GOSR2: variants seen among roughly 807,000 people sequenced by gnomAD.
GOSR2 encodes 27 kDa Golgi SNARE protein.
GOSR2 carries 20 observed loss-of-function variants against 27.9 expected under a neutral mutation model. That is an observed-to-expected ratio of 0.72 (90% CI 0.50 to 1.04). GOSR2 has a LOEUF of 1.04. GOSR2 is among the 50% of genes least tolerant of loss of function. The pLI is 0.00. For synonymous variants in GOSR2, 91 were observed against 98.8 expected, an observed-to-expected ratio of 0.92 and a Z score of 0.47; for missense variants, 261 against 270.5, an observed-to-expected ratio of 0.97 and a Z score of 0.25.
chr17:46,934,966 CAGTG>C, intron 4 of GOSR2, 59 bp from the exon 5 acceptor site: 1 of 1,472,590 alleles, frequency 6.8e-7, no homozygotes, highest in South Asian at 1.1e-5. Context: ...AAAGACAGAG[CAGTG>C]AGACCCCAGG....
chr17:46,943,518 C>G (rs2089539177), downstream of GOSR2, among the ~76,000 whole-genome samples: 1 of 152,228 alleles, frequency 6.6e-6, no homozygotes, highest in Admixed American at 6.5e-5. Flanking sequence ...CTCCAAGAAG[C>G]CTGCCCCTCC....
At chr17:46,929,985 A>G (rs2087072478) in intron 2 of GOSR2, 1 of 167,252 alleles carries the variant, frequency 6.0e-6, no homozygotes, top group Non-Finnish European at 1.3e-5. Flanking sequence ...AGCAATATTA[A>G]TTAGTTTAGT....
intron 6 of GOSR2, among the ~76,000 whole-genome samples, chr17:46,962,477 T>G (rs2091116950): frequency 6.6e-6 from 1 of 152,236 alleles, no homozygotes; most frequent in Non-Finnish European, 1.5e-5. Context: ...AAACAGGATG[T>G]GGCAGAAGAG....
At chr17:46,955,908 A>G (rs575696214) in intron 6 of GOSR2, among the ~76,000 whole-genome samples, 7 of 152,300 alleles carry the variant, frequency 4.6e-5, no homozygotes, top group Middle Eastern at 6.8e-3. Context: ...CTGTGTCTCC[A>G]TCAGACTAGC....
intron 6 of GOSR2, chr17:46,964,918 GC>G (rs1207630571): frequency 6.6e-6 from 1 of 152,216 alleles, no homozygotes; most frequent in Non-Finnish European, 1.5e-5. Context: ...TAACTGCAAG[GC>G]TTTGACAGGA....
At chr17:46,938,527 C>T in intron 5 of GOSR2, 72 bp from the exon 6 acceptor site, 3 of 1,608,334 alleles carry the variant, frequency 1.9e-6, no homozygotes, top group Middle Eastern at 1.7e-4. Flanking sequence ...AGCTCCATCT[C>T]CTGATGCCAT....
rs982964579 is a variant in GOSR2, at chr17:46,941,190, A to G, written c.*2430A>G. ...AGGGGGACCACTGTAAGAAAAGCCAAACTCCAAGACCAAGTAAGTTAGAGG... is the reference window on the plus strand; with the variant it reads ...AGGGGGACCACTGTAAGAAAAGCCAGACTCCAAGACCAAGTAAGTTAGAGG... On this transcript the variant is annotated 3_prime_UTR_variant, in exon 6 of 6. Coordinates refer to ENST00000640051, the MANE Select transcript of GOSR2 (RefSeq NM_004287.5). 1.0e-6 allele frequency: 1 copy of G among 1,004,150 alleles called. No individual in the cohort carries two copies. The allele number at this position is 1,004,150 out of a possible 1,614,324, so 62.2% of individuals were successfully genotyped here. A position where few individuals can be genotyped will look rare whatever the true frequency, so the allele number is the denominator to read the frequency against.
At chr17:46,960,651 C>T (rs1444908635) in intron 6 of GOSR2, among the ~76,000 whole-genome samples, 1 of 152,178 alleles carries the variant, frequency 6.6e-6, no homozygotes, top group Admixed American at 6.5e-5. Context: ...ACCTGTGATA[C>T]ATCCATCCAA....
At chr17:46,931,281 A>G in intron 3 of GOSR2, 74 bp downstream of exon 3, 1 of 821,196 alleles carries the variant, frequency 1.2e-6, no homozygotes, top group Non-Finnish European at 2.2e-6. Context: ...GGGGGAGGTG[A>G]TAGAATATTC....
At chr17:46,928,189 G>A (rs1343316874) in intron 1 of GOSR2, among the ~76,000 whole-genome samples, 1 of 152,138 alleles carries the variant, frequency 6.6e-6, no homozygotes, top group Non-Finnish European at 1.5e-5. Flanking sequence ...GTCTTGCCTA[G>A]GAGCACCCTG....
downstream of GOSR2, among the ~76,000 whole-genome samples, chr17:46,942,601 T>C (rs2089427668): frequency 6.6e-6 from 1 of 152,214 alleles, no homozygotes; most frequent in Non-Finnish European, 1.5e-5. Context: ...AGGTGTTTGC[T>C]GCAGACCCTT....
At chr17:46,936,696 G>A (rs1014935145) in intron 5 of GOSR2, 2 of 984,916 alleles carry the variant, frequency 2.0e-6, no homozygotes, top group Non-Finnish European at 2.4e-6. Context: ...TTGATCCTTA[G>A]CCTCATACAG....
At position 46,931,108 on chromosome 17, in the gene GOSR2, A is replaced by G. The variant is rs148962223; in HGVS notation, c.104A>G (p.Asn35Ser). Residue 35 changes from asparagine (N) to serine (S), a missense_variant, in exon 3 of 6, where the codon AAC becomes AGC. Coordinates refer to ENST00000640051, the MANE Select transcript of GOSR2 (RefSeq NM_004287.5). ...TTTCTTTTTTGTACAGTAGTAGAAA[A>G]CGAAATCCAAGCAAGCATAGACCAG... ...ADKQSVHIVE[N>S]EIQASIDQIF... 6.9e-6 allele frequency: 11 copies of G among 1,583,748 alleles called. No individual in the cohort carries two copies. The highest frequency in any genetic ancestry group is 9.5e-6 in the Non-Finnish European group (11 of 1,152,796).
intron 6 of GOSR2, among the ~76,000 whole-genome samples, chr17:46,962,609 T>C (rs912439049): frequency 1.3e-5 from 2 of 152,194 alleles, no homozygotes; most frequent in Admixed American, 1.3e-4. Context: ...AGAAGCCACA[T>C]GGAGGAAATG....
chr17:46,962,909 C>T (rs2091145839), intron 6 of GOSR2, among the ~76,000 whole-genome samples: 1 of 152,218 alleles, frequency 6.6e-6, no homozygotes, highest in Non-Finnish European at 1.5e-5. Context: ...GCTAACTCAT[C>T]ATTTTCATCA....
chr17:46,931,624 G>T lies in GOSR2; in HGVS notation c.203+417G>T, dbSNP rs551791291. ...TGCTGATCTAATGTTTGATACTCCA[G>T]CATGAAATTAAAATGAAACCACCCT... On this transcript the variant is annotated intron_variant, in intron 3 of 5. Transcript: ENST00000640051. 32 of 287,298 alleles carry T rather than the reference G, an allele frequency of 1.1e-4. No individual in the cohort carries two copies. The East Asian group carries it at 2.8e-3, about 25-fold the overall frequency. 17.8% of individuals were successfully genotyped at this position (287,298 alleles called of 1,614,324 possible).
In GOSR2 at chr17:46,941,079, A is replaced by G. The variant is rs1041200558; in HGVS notation, c.*2319A>G. The G allele has an allele frequency of 1.2e-5, 13 of 1,068,840 alleles. No homozygotes were observed. The highest frequency in any genetic ancestry group is 1.4e-4 in the East Asian group (2 of 14,044). The allele number at this position is 1,068,840 out of a possible 1,614,324, so 66.2% of individuals were successfully genotyped here. ...GTAGCCAGCCTCTGTGACCTTGTAC[A>G]TGAGTTTGGTGTGCCTATTGTGATT... On this transcript the variant is annotated 3_prime_UTR_variant, in exon 6 of 6. Transcript: ENST00000640051.
At chr17:46,929,417 G>A (rs1568166130) in intron 1 of GOSR2, 103 bp from the exon 2 acceptor site, 4 of 745,028 alleles carry the variant, frequency 5.4e-6, no homozygotes, top group Non-Finnish European at 4.9e-6. Context: ...TGATGCTGTC[G>A]ATTTAAATCA....
rs2087480638 is a variant in GOSR2 at position 46,932,102 on chromosome 17, T to G, written c.239T>G (p.Leu80Arg). The G allele has an allele frequency of 1.2e-6, 2 of 1,613,480 alleles. No individual in the cohort carries two copies. Among genetic ancestry groups the G allele is most frequent in the East Asian group, 4.5e-5 (2 of 44,892 alleles). The change falls in exon 4 of 6, where the codon CTG (leucine) becomes CGG (arginine). Residue 80 changes from leucine to arginine, a missense_variant. Coordinates refer to ENST00000640051, the MANE Select transcript of GOSR2 (RefSeq NM_004287.5). ...VDQLKYDVQHLQTALRNFQHR... is the reference protein window; with the variant it reads ...VDQLKYDVQHRQTALRNFQHR... ...CAGTTAAAGTATGATGTCCAGCACC[T>G]GCAGACTGCGCTCAGAAACTTCCAG...
Sources: allele counts gnomAD v4.1 joint callset (sites outside exome capture counted in the v4.1 genomes callset), GRCh38; gene constraint gnomAD v4.1.1; transcripts MANE v1.5; gene names NCBI Gene and HGNC (gene_info 2026-07-23, HGNC 2026-07-21).